The following PNKD variants were observed in gnomAD, a reference collection of about 807,000 sequenced individuals.
The protein encoded by PNKD is probable thioesterase PNKD.
PNKD carries 36 observed loss-of-function variants against 45.3 expected under a neutral mutation model. The ratio of observed to expected loss-of-function variants is 0.80; its 90% CI spans 0.61 to 1.05. The LOEUF (loss-of-function observed/expected upper bound fraction) is 1.05, where lower values mean the gene tolerates loss of function less well. PNKD is among the 50% of genes least tolerant of loss of function. The pLI is 0.00. For missense variants in PNKD, 511 were observed against 506.6 expected, an observed-to-expected ratio of 1.01 and a Z score of -0.08; for synonymous variants, 197 against 210.1, an observed-to-expected ratio of 0.94 and a Z score of 0.54.
At chr2:218,335,480 T>TG (rs1201216458) in intron 2 of PNKD, among the ~76,000 whole-genome samples, 1 of 151,432 alleles carries the variant, frequency 6.6e-6, no homozygotes, top group East Asian at 1.9e-4. Context: ...AAACTCCATC[T>TG]GGAAAAAAAA....
intron 2 of PNKD, among the ~76,000 whole-genome samples, chr2:218,308,469 G>A (rs968560970): frequency 2.0e-5 from 3 of 151,898 alleles, no homozygotes; most frequent in African/African-American, 7.3e-5. Flanking sequence ...TTACAGGCAC[G>A]AGCCACCGTG....
chr2:218,288,815 A>T (rs1418900345), intron 2 of PNKD, among the ~76,000 whole-genome samples: 1 of 152,138 alleles, frequency 6.6e-6, no homozygotes, highest in Non-Finnish European at 1.5e-5. Flanking sequence ...GGGTAAAAGA[A>T]AAGGGAGGGA....
At chr2:218,303,825 C>T (rs1376490228) in intron 2 of PNKD, among the ~76,000 whole-genome samples, 2 of 152,092 alleles carry the variant, frequency 1.3e-5, no homozygotes, top group Non-Finnish European at 2.9e-5. Context: ...CCACCTGCCT[C>T]AGCCTCCCAA....
intron 2 of PNKD, chr2:218,279,554 C>T (rs955029053): frequency 9.3e-6 from 5 of 536,582 alleles, no homozygotes; most frequent in East Asian, 3.1e-5. Flanking sequence ...CTGCCATCTC[C>T]CCTCCTGTCC....
chr2:218,271,696 G>A (rs944863326), intron 2 of PNKD, 147 bp downstream of exon 2: 16 of 688,858 alleles, frequency 2.3e-5, no homozygotes, highest in African/African-American at 1.6e-4. Context: ...TCTCAGAGGG[G>A]TGGGGCAGTG....
At chr2:218,305,481 A>T (rs1693381070) in intron 2 of PNKD, among the ~76,000 whole-genome samples, 1 of 151,406 alleles carries the variant, frequency 6.6e-6, no homozygotes, top group South Asian at 2.1e-4. Flanking sequence ...CACTCAAGTA[A>T]CTGGGACCAC....
At chr2:218,279,991 C>A in intron 2 of PNKD, 2 of 1,579,802 alleles carry the variant, frequency 1.3e-6, no homozygotes, top group Non-Finnish European at 1.7e-6. Flanking sequence ...GCCTGAGGGG[C>A]CCCAGGTACA....
At chr2:218,304,933 C>T (rs1336223521) in intron 2 of PNKD, among the ~76,000 whole-genome samples, 1 of 151,938 alleles carries the variant, frequency 6.6e-6, no homozygotes, top group African/African-American at 2.4e-5. Context: ...ATTAGCCAGG[C>T]GTGGTGGCGG....
chr2:218,275,758 G>A, intron 2 of PNKD: 1 of 1,098,000 alleles, frequency 9.1e-7, no homozygotes, highest in East Asian at 2.5e-5. Context: ...TAACATATGG[G>A]CTCTATACTG....
chr2:218,315,567 G>T lies in PNKD; in HGVS notation c.237-24216G>T, dbSNP rs1332262089. Reference sequence around the variant, plus strand: ...TTAAGGAATAATAGGAATAATAAATGCCTTTAAGAATAACATACGCCTATT... The same window carrying T: ...TTAAGGAATAATAGGAATAATAAATTCCTTTAAGAATAACATACGCCTATT... On this transcript the variant is annotated intron_variant, in intron 2 of 9. Coordinates refer to ENST00000273077, the MANE Select transcript of PNKD (RefSeq NM_015488.5). Among the ~76,000 whole-genome samples, 7 of 152,194 alleles carry T rather than the reference G, an allele frequency of 4.6e-5. No homozygotes were observed. In the East Asian group the frequency reaches 1.3e-3, roughly 29 times the overall value.
chr2:218,297,922 C>T (rs1185094225), intron 2 of PNKD, among the ~76,000 whole-genome samples: 2 of 142,402 alleles, frequency 1.4e-5, no homozygotes, highest in Admixed American at 7.2e-5. Flanking sequence ...GGCATGAACC[C>T]GGGAGGCGGA....
At chr2:218,323,279 G>A in intron 2 of PNKD, 1 of 1,545,810 alleles carries the variant, frequency 6.5e-7, no homozygotes, top group Non-Finnish European at 8.7e-7. Flanking sequence ...TGGCTTGGCA[G>A]GGCTGGCCCG....
intron 2 of PNKD, among the ~76,000 whole-genome samples, chr2:218,336,312 A>C (rs536526919): frequency 1.3e-5 from 2 of 151,712 alleles, no homozygotes; most frequent in African/African-American, 4.8e-5. Flanking sequence ...TGATGTTTTT[A>C]ATTTGCTATT....
intron 2 of PNKD, chr2:218,278,106 T>A: frequency 1.0e-6 from 1 of 998,714 alleles, no homozygotes; most frequent in Non-Finnish European, 1.5e-6. Flanking sequence ...GAGGTTGGCA[T>A]GGCCTTTGGC....
intron 2 of PNKD, among the ~76,000 whole-genome samples, chr2:218,299,116 ATTTATTTTAT>A (rs554072578): frequency 2.0e-5 from 3 of 151,632 alleles, no homozygotes; most frequent in Non-Finnish European, 4.4e-5. Flanking sequence ...TATTTTATTT[ATTTATTTTAT>A]TTTATTTTAT....
intron 2 of PNKD, among the ~76,000 whole-genome samples, chr2:218,295,641 G>A (rs1186942222): frequency 6.6e-6 from 1 of 152,026 alleles, no homozygotes; most frequent in Non-Finnish European, 1.5e-5. Flanking sequence ...TGGGGTAGAA[G>A]GGGTAGGAAA....
At chr2:218,321,518 C>A (rs1451716085) in intron 2 of PNKD, among the ~76,000 whole-genome samples, 1 of 152,090 alleles carries the variant, frequency 6.6e-6, no homozygotes, top group African/African-American at 2.4e-5. Context: ...CTGGATTAAA[C>A]CCAGATTCAG....
chr2:218,339,763 G>C lies in PNKD; in HGVS notation c.237-20G>C. The C allele has an allele frequency of 1.3e-6, 2 of 1,510,734 alleles. No homozygotes were observed. Among genetic ancestry groups the C allele is most frequent in the Non-Finnish European group, 1.8e-6 (2 of 1,086,188 alleles). The allele number at this position is 1,510,734 out of a possible 1,614,324, so 93.6% of individuals were successfully genotyped here. A position where few individuals can be genotyped will look rare whatever the true frequency, so the allele number is the denominator to read the frequency against. On this transcript the variant is annotated intron_variant, in intron 2 of 9. Transcript: ENST00000273077. ...GCTAGGGAGAAAAGGCTAATCATAG[G>C]CCACCCACTCGCCCTCTAGGTACAG...
intron 2 of PNKD, among the ~76,000 whole-genome samples, chr2:218,304,788 C>T (rs540931093): frequency 6.6e-5 from 10 of 152,132 alleles, no homozygotes; most frequent in South Asian, 4.2e-4. Context: ...TAAAGTGGGG[C>T]GACTGGCCGG....
Sources: allele counts gnomAD v4.1 joint callset (sites outside exome capture counted in the v4.1 genomes callset), GRCh38; gene constraint gnomAD v4.1.1; transcripts MANE v1.5; gene names NCBI Gene and HGNC (gene_info 2026-07-23, HGNC 2026-07-21).